The following SORCS2 variants were observed in gnomAD, a reference collection of about 807,000 sequenced individuals.
The protein encoded by SORCS2 is VPS10 domain-containing receptor SorCS2.
Under a neutral mutation model 141.6 loss-of-function variants are expected in SORCS2, and 100 were observed. The observed-to-expected ratio is 0.71, with a 90% CI of 0.60 to 0.83. The LOEUF is 0.83. Among genes scored for constraint, SORCS2 ranks in the 40% least tolerant of loss-of-function variants. The pLI is 0.00. For missense variants in SORCS2, 1,646 were observed against 1,560.2 expected (o/e 1.05, Z -0.93); for synonymous variants, 789 against 676.9 (o/e 1.17, Z -2.57).
chr4:7,461,739 C>A (rs143382767), intron 2 of SORCS2, among the ~76,000 whole-genome samples: 1 of 152,300 alleles, frequency 6.6e-6, no homozygotes, highest in Non-Finnish European at 1.5e-5. Context: ...TTGGACAGGG[C>A]GTTCTGGGTG....
chr4:7,425,729 C>T lies in SORCS2; in HGVS notation c.548+29374C>T, dbSNP rs148713862. Among the ~76,000 whole-genome samples, 270 of 152,324 alleles carry T rather than the reference C, an allele frequency of 1.8e-3. 2 individuals are homozygous for T. The East Asian group carries it at 0.031, about 18-fold the overall frequency. ...TGGTTTGGCCCGGCCCGCAGTGGAC[C>T]GAGCTGTCAGCATTTAGGAATTGCG... On this transcript the variant is annotated intron_variant, in intron 2 of 26. Transcript: ENST00000507866.
chr4:7,622,387 A>G (rs1254135842), intron 3 of SORCS2, among the ~76,000 whole-genome samples: 1 of 152,180 alleles, frequency 6.6e-6, no homozygotes, highest in Non-Finnish European at 1.5e-5. Flanking sequence ...TTATAAAGAA[A>G]ACACTTGCAC....
chr4:7,579,006 A>G (rs1451120878), intron 3 of SORCS2, among the ~76,000 whole-genome samples: 1 of 152,174 alleles, frequency 6.6e-6, no homozygotes, highest in Non-Finnish European at 1.5e-5. Context: ...TGCATCTCAC[A>G]GACTGGGATG....
intron 1 of SORCS2, among the ~76,000 whole-genome samples, chr4:7,322,900 GC>G (rs1228005052): frequency 6.6e-6 from 1 of 152,110 alleles, no homozygotes; most frequent in Non-Finnish European, 1.5e-5. Context: ...CCTAGAGCCT[GC>G]CTCCCCACCC....
intron 2 of SORCS2, among the ~76,000 whole-genome samples, chr4:7,505,717 G>T (rs899886867): frequency 6.6e-6 from 1 of 152,092 alleles, no homozygotes; most frequent in Non-Finnish European, 1.5e-5. Context: ...CAGCAGCAAG[G>T]CCCCAGAGCT....
At chr4:7,381,959 C>T (rs1723016499) in intron 1 of SORCS2, 7 of 985,780 alleles carry the variant, frequency 7.1e-6, no homozygotes, top group African/African-American at 1.7e-5. Context: ...CCTCTCTGGG[C>T]CAGGCCTGTG....
chr4:7,576,926 G>A (rs1414645919), intron 3 of SORCS2, among the ~76,000 whole-genome samples: 8 of 152,182 alleles, frequency 5.3e-5, no homozygotes, highest in Non-Finnish European at 1.2e-4. Context: ...CCGGGTTATC[G>A]CAGTCTTCTG....
At chr4:7,461,154 G>T (rs1729282371) in intron 2 of SORCS2, among the ~76,000 whole-genome samples, 1 of 146,742 alleles carries the variant, frequency 6.8e-6, no homozygotes, top group Middle Eastern at 3.4e-3. Flanking sequence ...TCAGTGATGA[G>T]CTCTCTCCCC....
chr4:7,737,375 G>T (rs142299725), intron 26 of SORCS2, among the ~76,000 whole-genome samples: 21 of 152,124 alleles, frequency 1.4e-4, no homozygotes, highest in Non-Finnish European at 2.1e-4. Context: ...CAGGGCTGCC[G>T]GCAGAGATGA....
intron 2 of SORCS2, among the ~76,000 whole-genome samples, chr4:7,478,162 C>T (rs1730415863): frequency 6.6e-6 from 1 of 152,172 alleles, no homozygotes; most frequent in Non-Finnish European, 1.5e-5. Context: ...GCCATTTGCC[C>T]AGTGAGGCAG....
intron 1 of SORCS2, among the ~76,000 whole-genome samples, chr4:7,343,489 G>T (rs1052319208): frequency 2.0e-5 from 3 of 152,216 alleles, no homozygotes; most frequent in African/African-American, 7.2e-5. Flanking sequence ...TTCAGCACGG[G>T]AAGGGCTTTG....
chr4:7,601,895 GC>G (rs1274282942), intron 3 of SORCS2, among the ~76,000 whole-genome samples: 1 of 152,136 alleles, frequency 6.6e-6, no homozygotes, highest in African/African-American at 2.4e-5. Flanking sequence ...CTGCCTTCAA[GC>G]ATCTGTTTAA....
chr4:7,418,420 C>T (rs543790623), intron 2 of SORCS2, among the ~76,000 whole-genome samples: 1 of 152,164 alleles, frequency 6.6e-6, no homozygotes, highest in East Asian at 1.9e-4. Context: ...CTAAGTTAGC[C>T]AACAGTTAGA....
At chr4:7,558,817 C>T (rs996571245) in intron 3 of SORCS2, among the ~76,000 whole-genome samples, 3 of 152,172 alleles carry the variant, frequency 2.0e-5, no homozygotes, top group African/African-American at 4.8e-5. Flanking sequence ...CCCCGCCTCA[C>T]CCTAGGGCCT....
chr4:7,661,430 T>C (rs896723452), intron 5 of SORCS2, 70 bp from the exon 6 acceptor site: 19 of 1,497,648 alleles, frequency 1.3e-5, no homozygotes, highest in African/African-American at 4.2e-5. Context: ...CTGCAGGGAG[T>C]GTGGGGAGCA....
intron 12 of SORCS2, among the ~76,000 whole-genome samples, chr4:7,697,715 C>T (rs1264963201): frequency 6.6e-6 from 1 of 150,892 alleles, no homozygotes; most frequent in Non-Finnish European, 1.5e-5. Flanking sequence ...ACGGGGGACT[C>T]CGGGTTCCTG....
intron 1 of SORCS2, among the ~76,000 whole-genome samples, chr4:7,297,362 T>C (rs1315631694): frequency 6.6e-6 from 1 of 152,170 alleles, no homozygotes; most frequent in Non-Finnish European, 1.5e-5. Context: ...TCTGCAGCCC[T>C]GTCCCCTGCA....
At chr4:7,290,740 G>T (rs1292956029) in intron 1 of SORCS2, among the ~76,000 whole-genome samples, 1 of 152,210 alleles carries the variant, frequency 6.6e-6, no homozygotes, top group East Asian at 1.9e-4. Context: ...GGGAATGTAG[G>T]GCAGGGCTAG....
intron 3 of SORCS2, among the ~76,000 whole-genome samples, chr4:7,561,280 A>G (rs951590998): frequency 6.6e-6 from 1 of 152,068 alleles, no homozygotes; most frequent in Non-Finnish European, 1.5e-5. Flanking sequence ...TCTGAGGTCT[A>G]GGTGGGACTC....
Sources: allele counts gnomAD v4.1 joint callset (sites outside exome capture counted in the v4.1 genomes callset), GRCh38; gene constraint gnomAD v4.1.1; transcripts MANE v1.5; gene names NCBI Gene and HGNC (gene_info 2026-07-23, HGNC 2026-07-21).